Variants in PLEKHA7 observed in about 807,000 individuals in gnomAD.
PLEKHA7 encodes pleckstrin homology domain containing A7.
A neutral mutation model predicts 170.0 loss-of-function variants in PLEKHA7; 104 were observed. The ratio of observed to expected loss-of-function variants is 0.61; its 90% CI spans 0.52 to 0.72. The LOEUF (loss-of-function observed/expected upper bound fraction) is 0.72, where lower values mean the gene tolerates loss of function less well. Among genes scored for constraint, PLEKHA7 ranks in the 30% least tolerant of loss-of-function variants. The pLI, the probability that PLEKHA7 is intolerant of heterozygous loss-of-function variation, is 0.00. For synonymous variants in PLEKHA7, 648 were observed against 660.8 expected (o/e 0.98, Z 0.30); for missense variants, 1,615 against 1,671.7 (o/e 0.97, Z 0.59).
At chr11:16,862,526 G>A (rs1854044703) in intron 4 of PLEKHA7, among the ~76,000 whole-genome samples, 2 of 152,156 alleles carry the variant, frequency 1.3e-5, no homozygotes, top group Non-Finnish European at 1.5e-5. Flanking sequence ...GACAAGAAGG[G>A]AAGTCACAGG....
intron 3 of PLEKHA7, among the ~76,000 whole-genome samples, chr11:16,990,595 ACC>A (rs1380278637): frequency 6.6e-6 from 1 of 152,182 alleles, no homozygotes; most frequent in Non-Finnish European, 1.5e-5. Context: ...AAATGGGCAC[ACC>A]ATTATCAACC....
intron 3 of PLEKHA7, chr11:17,013,110 A>C (rs2137157215): frequency 6.6e-6 from 1 of 152,508 alleles, no homozygotes; most frequent in South Asian, 2.1e-4. Context: ...CACTGGGGCA[A>C]GGGGTCAAAG....
chr11:16,993,429 C>T (rs1381458634), intron 3 of PLEKHA7, among the ~76,000 whole-genome samples: 1 of 152,158 alleles, frequency 6.6e-6, no homozygotes. Context: ...AAACAACCAG[C>T]ACCCATGGGT....
At chr11:16,981,585 C>T (rs1863429301) in intron 3 of PLEKHA7, among the ~76,000 whole-genome samples, 1 of 152,142 alleles carries the variant, frequency 6.6e-6, no homozygotes, top group South Asian at 2.1e-4. Context: ...AAACCATGCC[C>T]TGGCTAGAAA....
At position 16,826,556 on chromosome 11, in the gene PLEKHA7, G is replaced by C. The variant is rs747113933; in HGVS notation, c.907C>G (p.Gln303Glu). The change falls in exon 10 of 27, where the codon CAG (glutamine) becomes GAG (glutamate). Residue 303 changes from glutamine (Q) to glutamate (E), a missense_variant. Transcript: ENST00000531066. ...MEKVERQAVP[Q>E]ANHTESCHEC... ...TGACAGGACTCTGTGTGGTTGGCCT[G>C]GGGGACAGCCTGCCGCTCCACCTTC... is the stretch of plus-strand genomic sequence containing the variant. 73 of 1,613,748 alleles carry C rather than the reference G, an allele frequency of 4.5e-5. No individual in the cohort carries two copies. Among genetic ancestry groups the C allele is most frequent in the Non-Finnish European group, 6.0e-5 (71 of 1,179,910 alleles).
At chr11:16,878,049 A>G (rs1855438379) in intron 3 of PLEKHA7, among the ~76,000 whole-genome samples, 1 of 151,614 alleles carries the variant, frequency 6.6e-6, no homozygotes, top group Non-Finnish European at 1.5e-5. Flanking sequence ...CAAACTCAAT[A>G]CTCCTCCAGG....
chr11:16,937,540 G>C (rs1333529587), intron 3 of PLEKHA7, among the ~76,000 whole-genome samples: 1 of 152,056 alleles, frequency 6.6e-6, no homozygotes. Flanking sequence ...AGAGGACCTT[G>C]TTTATAAGAA....
At chr11:16,852,414 A>G (rs1853050276) in intron 6 of PLEKHA7, 59 bp from the exon 7 acceptor site, 1 of 1,474,784 alleles carries the variant, frequency 6.8e-7, no homozygotes, top group African/African-American at 1.4e-5. Flanking sequence ...TCCCTTTCCA[A>G]GCATGCACAA....
intron 25 of PLEKHA7, among the ~76,000 whole-genome samples, chr11:16,783,266 G>A (rs1849169929): frequency 6.6e-6 from 1 of 152,214 alleles, no homozygotes; most frequent in Non-Finnish European, 1.5e-5. Flanking sequence ...GCATCCAGGG[G>A]AGTGGGCAAT....
chr11:17,009,961 T>A (rs1865227797), intron 3 of PLEKHA7, among the ~76,000 whole-genome samples: 1 of 152,160 alleles, frequency 6.6e-6, no homozygotes, highest in Non-Finnish European at 1.5e-5. Flanking sequence ...TCAACATCAC[T>A]TAGTCTAGAA....
intron 24 of PLEKHA7, among the ~76,000 whole-genome samples, chr11:16,784,480 T>C (rs1241194947): frequency 6.6e-6 from 1 of 152,186 alleles, no homozygotes; most frequent in Non-Finnish European, 1.5e-5. Context: ...GCTCTTCTGA[T>C]CTAGACAGGA....
chr11:16,927,477 C>A (rs1160058198), intron 3 of PLEKHA7, among the ~76,000 whole-genome samples: 4 of 152,204 alleles, frequency 2.6e-5, no homozygotes, highest in East Asian at 3.9e-4. Context: ...CCCTCCCCCA[C>A]AACCCAGCCA....
intron 3 of PLEKHA7, among the ~76,000 whole-genome samples, chr11:16,907,208 G>A (rs1857840028): frequency 9.8e-6 from 1 of 101,842 alleles, no homozygotes; most frequent in South Asian, 3.3e-4. Context: ...CGGGAGGGAG[G>A]TGGGGGGGTC....
chr11:16,963,880 T>C (rs1247778458), intron 3 of PLEKHA7, among the ~76,000 whole-genome samples: 1 of 152,238 alleles, frequency 6.6e-6, no homozygotes, highest in South Asian at 2.1e-4. Flanking sequence ...TACTTTATTA[T>C]ATTCGCAATG....
At chr11:16,801,869 G>A in intron 15 of PLEKHA7, 52 bp from the exon 16 acceptor site, 1 of 1,605,498 alleles carries the variant, frequency 6.2e-7, no homozygotes. Context: ...GTCCCCAGAG[G>A]CCTCCCCATA....
At chr11:16,988,961 C>T (rs916920070) in intron 3 of PLEKHA7, among the ~76,000 whole-genome samples, 1 of 152,224 alleles carries the variant, frequency 6.6e-6, no homozygotes, top group African/African-American at 2.4e-5. Flanking sequence ...GTTCATTCAG[C>T]TGTTGCTTGG....
At chr11:16,905,047 T>G (rs185238375) in intron 3 of PLEKHA7, among the ~76,000 whole-genome samples, 1 of 151,704 alleles carries the variant, frequency 6.6e-6, no homozygotes, top group Admixed American at 6.6e-5. Flanking sequence ...AGCTCAGGAG[T>G]TTGAGACTAG....
At chr11:16,859,179 A>G (rs1167644140) in intron 4 of PLEKHA7, among the ~76,000 whole-genome samples, 2 of 152,214 alleles carry the variant, frequency 1.3e-5, no homozygotes, top group South Asian at 2.1e-4. Context: ...AATAGACTCA[A>G]TTCATACTTG....
At chr11:16,950,692 T>C (rs1292123595) in intron 3 of PLEKHA7, among the ~76,000 whole-genome samples, 1 of 152,112 alleles carries the variant, frequency 6.6e-6, no homozygotes, top group Non-Finnish European at 1.5e-5. Flanking sequence ...CACCTGCCCA[T>C]TCCCTCAGCC....
Sources: allele counts gnomAD v4.1 joint callset (sites outside exome capture counted in the v4.1 genomes callset), GRCh38; gene constraint gnomAD v4.1.1; transcripts MANE v1.5; gene names NCBI Gene and HGNC (gene_info 2026-07-23, HGNC 2026-07-21).